Variants in ZHX3 observed in about 807,000 individuals in gnomAD.
The protein encoded by ZHX3 is zinc fingers and homeoboxes 3, also known as zinc fingers and homeoboxes protein 3.
In ZHX3, 20 loss-of-function variants were observed where a neutral mutation model predicts 64.5. The ratio of observed to expected loss-of-function variants is 0.31; its 90% CI spans 0.22 to 0.45. The LOEUF is 0.45. Ranked by LOEUF, ZHX3 falls within the 20% of genes least tolerant of loss-of-function variation. ZHX3 has a pLI of 1.00. For missense variants in ZHX3, 1,041 were observed against 1,195.8 expected, an observed-to-expected ratio of 0.87 and a Z score of 1.91; for synonymous variants, 423 against 461.6, an observed-to-expected ratio of 0.92 and a Z score of 1.07.
At chr20:41,237,053 C>T (rs1166478261) in intron 2 of ZHX3, among the ~76,000 whole-genome samples, 6 of 152,172 alleles carry the variant, frequency 3.9e-5, no homozygotes, top group African/African-American at 1.4e-4. Flanking sequence ...CAAATCAAAA[C>T]CACAATGAGA....
intron 3 of ZHX3, among the ~76,000 whole-genome samples, chr20:41,196,142 G>T (rs955072327): frequency 8.7e-5 from 13 of 149,490 alleles, no homozygotes; most frequent in African/African-American, 3.2e-4. Flanking sequence ...TTTCCTGATT[G>T]ATCTTCTGTC....
Position 41,203,520 on chromosome 20 carries a change from G to T in ZHX3, c.1397C>A (p.Thr466Lys). 1 of 1,614,180 alleles carries T rather than the reference G, an allele frequency of 6.2e-7. No individual in the cohort carries two copies. The highest frequency in any genetic ancestry group is 8.5e-7 in the Non-Finnish European group (1 of 1,180,004). ...ATTGACCACCTTCACAGCTGACGTT[G>T]TATTTGAACACACAGTGTTAATGGG... ...VAPINTVCSN[T>K]TSAVKVVNAA... Residue 466 changes from threonine to lysine, a missense_variant, in exon 3 of 4, where the codon ACA becomes AAA. Thr to Lys is a moderately conservative substitution (Grantham distance 78). Transcript: ENST00000683867. The surrounding 1 kb of genome is among the most constrained non-coding windows in gnomAD (Gnocchi z 7.1).
In ZHX3 at chr20:41,202,990, C is replaced by T. The variant is rs1375835239; in HGVS notation, c.1927G>A (p.Asp643Asn). The T allele has an allele frequency of 6.2e-7, 1 of 1,613,988 alleles. No homozygotes were observed. Among genetic ancestry groups the T allele is most frequent in the African/African-American group, 1.3e-5 (1 of 74,898 alleles). The change falls in exon 3 of 4, where the codon GAC becomes AAC. Residue 643 changes from aspartate to asparagine, a missense_variant. Physicochemically the swap from Asp to Asn is conservative, Grantham distance 23. Around this residue, in one of 4 missense-constraint regions of ZHX3, gnomAD observed 649 missense variants for 739.8 expected, o/e 0.88. Coordinates refer to ENST00000683867, the MANE Select transcript of ZHX3 (RefSeq NM_001384317.1). This position sits in a 1 kb window ranked among gnomAD's most constrained non-coding sequence, Gnocchi z 7.0. Reference protein sequence around the residue: ...QNPLPLDEELDRLRSETKMTR... With the variant: ...QNPLPLDEELNRLRSETKMTR... ...ATTTTGGTTTCACTTCTCAGGCGGT[C>T]CAGTTCCTCATCAAGAGGAAGAGGG...
chr20:41,218,702 G>C (rs2039720264), intron 2 of ZHX3, among the ~76,000 whole-genome samples: 2 of 152,160 alleles, frequency 1.3e-5, no homozygotes, highest in Admixed American at 1.3e-4. Context: ...CCAGTAAGTG[G>C]ATGTGCTGGT....
chr20:41,203,495 A>G lies in ZHX3; in HGVS notation c.1422T>C (p.Asn474=), dbSNP rs750968186. Residue 474 remains asparagine, a synonymous_variant, in exon 3 of 4, where the codon AAT becomes AAC. Coordinates refer to ENST00000683867, the MANE Select transcript of ZHX3 (RefSeq NM_001384317.1). This position sits in a 1 kb window ranked among gnomAD's most constrained non-coding sequence, Gnocchi z 7.1. The part of the protein sequence containing the change: ...SNTTSAVKVV[N]AAQSLLTACP... ...AGGCCGTGAGGAGCGACTGGGCCGC[A>G]TTGACCACCTTCACAGCTGACGTTG... 15 of 1,614,206 alleles carry G rather than the reference A, an allele frequency of 9.3e-6. No individual in the cohort carries two copies. In the Admixed American group the frequency reaches 2.5e-4, roughly 27 times the overall value.
intron 2 of ZHX3, among the ~76,000 whole-genome samples, chr20:41,215,059 G>C (rs973721956): frequency 2.6e-5 from 4 of 152,224 alleles, no homozygotes; most frequent in South Asian, 2.1e-4. Context: ...TTTGAGACCA[G>C]CCTGGCCAAC....
chr20:41,269,849 G>A lies in ZHX3; in HGVS notation c.-244-766C>T, dbSNP rs142414465. ...ATCATGACTAGAGCATCATGACTAC[G>A]AGCATCCATGAATGTACACATTTTT... On this transcript the variant is annotated intron_variant, in intron 1 of 3. Transcript: ENST00000683867. 1.7e-4 allele frequency among the ~76,000 whole-genome samples: 25 copies of A among 150,360 alleles called. No homozygotes were observed. The East Asian group carries it at 3.9e-3, about 24-fold the overall frequency.
chr20:41,277,929 G>C (rs1440662109), intron 1 of ZHX3, among the ~76,000 whole-genome samples: 1 of 135,522 alleles, frequency 7.4e-6, no homozygotes, highest in East Asian at 2.4e-4. Context: ...TTTAAATGCA[G>C]AAAGTATAGT....
chr20:41,206,257 C>T (rs1460401889), intron 2 of ZHX3, among the ~76,000 whole-genome samples: 4 of 152,294 alleles, frequency 2.6e-5, no homozygotes, highest in East Asian at 3.9e-4. Context: ...TCCAAAGGAA[C>T]GCAGCTCCTC....
chr20:41,188,040 C>A (rs188659926), intron 3 of ZHX3, among the ~76,000 whole-genome samples: 2 of 152,118 alleles, frequency 1.3e-5, no homozygotes, highest in African/African-American at 4.8e-5. Flanking sequence ...AAGTCTATAC[C>A]CATTTACCAA....
At chr20:41,239,071 C>A (rs550799023) in intron 2 of ZHX3, among the ~76,000 whole-genome samples, 1 of 136,154 alleles carries the variant, frequency 7.3e-6, no homozygotes, top group East Asian at 2.2e-4. Context: ...GGCATGATCT[C>A]GGCTCACTGC....
chr20:41,317,581 CCGGGCGGG>C lies in ZHX3; in HGVS notation c.-325_-318del, dbSNP rs1373208648. 1 of 147,228 alleles carries C rather than the reference CCGGGCGGG, an allele frequency of 6.8e-6. No homozygotes were observed. The highest frequency in any genetic ancestry group is 6.8e-5 in the Admixed American group (1 of 14,810). The allele number at this position is 147,228 out of a possible 1,614,324, so 9.1% of individuals were successfully genotyped here. ...GCGCTGCGGGCCTCCCTCCCCGCGGCCGGGCGGGCGGCCGGCGCAGGCCCCGCAGAGGC... is the reference window on the plus strand; with the variant it reads ...GCGCTGCGGGCCTCCCTCCCCGCGGCCGGCCGGCGCAGGCCCCGCAGAGGC... On this transcript the variant is annotated 5_prime_UTR_variant, in exon 1 of 4. Coordinates refer to ENST00000683867, the MANE Select transcript of ZHX3 (RefSeq NM_001384317.1).
intron 1 of ZHX3, among the ~76,000 whole-genome samples, chr20:41,305,513 G>A (rs892984615): frequency 6.6e-6 from 1 of 151,388 alleles, no homozygotes. Context: ...AGCTGGGTAC[G>A]GTGGCTCACG....
chr20:41,191,394 T>C (rs2037006744), intron 3 of ZHX3, among the ~76,000 whole-genome samples: 1 of 152,240 alleles, frequency 6.6e-6, no homozygotes, highest in Non-Finnish European at 1.5e-5. Context: ...ATCTCTTTGA[T>C]AAAATTATCA....
At chr20:41,256,215 C>T (rs1288837032) in intron 2 of ZHX3, among the ~76,000 whole-genome samples, 1 of 152,102 alleles carries the variant, frequency 6.6e-6, no homozygotes, top group Non-Finnish European at 1.5e-5. Context: ...CTCGGAGGAA[C>T]AATCTCCTTG....
intron 2 of ZHX3, among the ~76,000 whole-genome samples, chr20:41,222,762 A>G (rs2040026847): frequency 1.3e-5 from 2 of 152,236 alleles, no homozygotes; most frequent in South Asian, 4.1e-4. Context: ...AAACAGTAAA[A>G]AAGAAATTGT....
chr20:41,300,130 C>A (rs1253766170), intron 1 of ZHX3: 1 of 152,186 alleles, frequency 6.6e-6, no homozygotes, highest in Non-Finnish European at 1.5e-5. Flanking sequence ...TAGTGCTCAT[C>A]ACCATGGAGG....
chr20:41,190,764 G>T (rs2036948845), intron 3 of ZHX3, among the ~76,000 whole-genome samples: 1 of 152,148 alleles, frequency 6.6e-6, no homozygotes, highest in Non-Finnish European at 1.5e-5. Flanking sequence ...GCCTGTCTTG[G>T]AAATACTTTA....
rs541101883 is a variant in ZHX3, at chr20:41,250,462, T to C, written c.-151+18528A>G. Among the ~76,000 whole-genome samples, 31 of 152,284 alleles carry C rather than the reference T, an allele frequency of 2.0e-4. 1 individual carries two copies. The South Asian group carries it at 2.5e-3, about 12-fold the overall frequency. On this transcript the variant is annotated intron_variant, in intron 2 of 3. Coordinates refer to ENST00000683867, the MANE Select transcript of ZHX3 (RefSeq NM_001384317.1). ...ACTTTGGGAGGCTGAGATGGTTTAA[T>C]CATTTGAGGCCAGGAGTTCGAGACC...
Sources: gnomAD v4.1 joint callset for allele counts (sites outside exome capture counted in the v4.1 genomes callset) on GRCh38, gnomAD v4.1.1 for gene constraint, gnomAD v4.1.1 regional missense constraint, Gnocchi (gnomAD v3.1) non-coding constraint, MANE v1.5 for transcripts, NCBI Gene and HGNC (gene_info 2026-07-23, HGNC 2026-07-21) for gene names.